The following TMEM131 variants were observed in gnomAD, a reference collection of about 807,000 sequenced individuals.
TMEM131 encodes the protein transmembrane protein 131, also known as 2610524E03Rik.
Under a neutral mutation model 211.6 loss-of-function variants are expected in TMEM131, and 66 were observed. The ratio of observed to expected loss-of-function variants is 0.31; its 90% CI spans 0.26 to 0.38. The LOEUF (loss-of-function observed/expected upper bound fraction) is 0.38. Ranked by LOEUF, TMEM131 falls within the 10% of genes least tolerant of loss-of-function variation. The probability of loss-of-function intolerance (pLI) is 1.00; values close to 1 mark genes in which losing one functional copy is unlikely to be tolerated. For missense variants in TMEM131, 2,036 were observed against 2,299.3 expected (o/e 0.89, Z 2.34); for synonymous variants, 844 against 841.3 (o/e 1.00, Z -0.06).
intron 1 of TMEM131, among the ~76,000 whole-genome samples, chr2:97,958,191 G>T (rs149980448): frequency 6.6e-6 from 1 of 152,202 alleles, no homozygotes; most frequent in Non-Finnish European, 1.5e-5. Flanking sequence ...AGGCTGGAGA[G>T]GGGGGCAGAA....
intron 4 of TMEM131, among the ~76,000 whole-genome samples, chr2:97,874,702 C>T (rs1674621833): frequency 6.6e-6 from 1 of 152,176 alleles, no homozygotes. Context: ...CCAGGCCTGC[C>T]TTACAAGAGC....
At chr2:97,878,982 T>C (rs183217367) in intron 4 of TMEM131, among the ~76,000 whole-genome samples, 24 of 152,318 alleles carry the variant, frequency 1.6e-4, no homozygotes, top group Admixed American at 1.3e-3. Flanking sequence ...AATAAACTTT[T>C]TCATTCTGCT....
intron 5 of TMEM131, among the ~76,000 whole-genome samples, chr2:97,848,578 T>C (rs1420742472): frequency 6.6e-6 from 1 of 152,230 alleles, no homozygotes; most frequent in African/African-American, 2.4e-5. Flanking sequence ...TATTATTTGT[T>C]TGAACATGTA....
At chr2:97,766,876 C>T (rs533916949) in intron 33 of TMEM131, among the ~76,000 whole-genome samples, 3 of 152,202 alleles carry the variant, frequency 2.0e-5, no homozygotes, top group African/African-American at 7.2e-5. Context: ...TAATACGTAA[C>T]GTGAGGGAGG....
chr2:97,874,384 A>C (rs1674607875), intron 4 of TMEM131, among the ~76,000 whole-genome samples: 1 of 152,210 alleles, frequency 6.6e-6, no homozygotes, highest in Non-Finnish European at 1.5e-5. Flanking sequence ...CAGCACAACA[A>C]CACTCCTCGA....
intron 11 of TMEM131, among the ~76,000 whole-genome samples, chr2:97,823,795 A>C (rs1682241179): frequency 6.6e-6 from 1 of 152,196 alleles, no homozygotes; most frequent in African/African-American, 2.4e-5. Context: ...GGGAGGTCTT[A>C]AGGAAATATA....
chr2:97,943,036 GAAAAGAAA>G (rs1559464414), intron 1 of TMEM131, among the ~76,000 whole-genome samples: 2 of 31,726 alleles, frequency 6.3e-5, no homozygotes, highest in South Asian at 1.2e-3. Flanking sequence ...GAAAAGAAAA[GAAAAGAAA>G]GAAAGAAAGA....
chr2:97,907,822 T>C (rs1380489313), intron 3 of TMEM131, among the ~76,000 whole-genome samples: 2 of 152,210 alleles, frequency 1.3e-5, no homozygotes, highest in Non-Finnish European at 2.9e-5. Context: ...CAATTGTTAC[T>C]AAAGGGCGCT....
At chr2:97,813,496 T>C (rs765635199) in intron 15 of TMEM131, among the ~76,000 whole-genome samples, 7 of 152,204 alleles carry the variant, frequency 4.6e-5, no homozygotes, top group East Asian at 1.9e-4. Flanking sequence ...CCTTCATTGT[T>C]TCCTTCTGTG....
chr2:97,993,440 T>A (rs1195432404), intron 1 of TMEM131, among the ~76,000 whole-genome samples: 1 of 152,178 alleles, frequency 6.6e-6, no homozygotes, highest in Non-Finnish European at 1.5e-5. Flanking sequence ...CCCTACTTAC[T>A]CAGAAACAAT....
intron 31 of TMEM131, among the ~76,000 whole-genome samples, chr2:97,788,790 T>A (rs891638016): frequency 3.3e-5 from 5 of 152,200 alleles, no homozygotes; most frequent in Non-Finnish European, 5.9e-5. Flanking sequence ...GTCTGAAACC[T>A]TGGCAAGTGT....
intron 4 of TMEM131, among the ~76,000 whole-genome samples, chr2:97,876,632 C>A (rs904102614): frequency 2.0e-5 from 3 of 152,084 alleles, no homozygotes; most frequent in Non-Finnish European, 4.4e-5. Flanking sequence ...GCAGAAAAGG[C>A]CTTCAACAAA....
At chr2:97,857,553 G>A (rs1365269179) in intron 5 of TMEM131, among the ~76,000 whole-genome samples, 1 of 152,186 alleles carries the variant, frequency 6.6e-6, no homozygotes, top group Non-Finnish European at 1.5e-5. Context: ...GTGCAATTGT[G>A]AACTATTTTT....
chr2:97,758,029 G>A (rs1237915136), intron 40 of TMEM131, among the ~76,000 whole-genome samples: 1 of 152,086 alleles, frequency 6.6e-6, no homozygotes, highest in Non-Finnish European at 1.5e-5. Context: ...CTACTCAGGA[G>A]GCTGAGGCAG....
chr2:97,924,326 T>A (rs986253733), intron 2 of TMEM131, among the ~76,000 whole-genome samples: 30 of 152,094 alleles, frequency 2.0e-4, no homozygotes, highest in Non-Finnish European at 1.2e-4. Flanking sequence ...AAGGTTGCAG[T>A]GAGCTGTCAT....
intron 11 of TMEM131, among the ~76,000 whole-genome samples, chr2:97,830,144 A>AC (rs1682597323): frequency 6.7e-6 from 1 of 150,252 alleles, no homozygotes; most frequent in Non-Finnish European, 1.5e-5. Context: ...AAAAAAAAAA[A>AC]AAAAAAAAAA....
chr2:97,770,585 G>A (rs977417431), intron 33 of TMEM131, among the ~76,000 whole-genome samples: 3 of 152,156 alleles, frequency 2.0e-5, no homozygotes, highest in South Asian at 2.1e-4. Context: ...CTCAAGCGAC[G>A]TCTTTGACTA....
chr2:97,898,603 C>A (rs150674880), intron 3 of TMEM131, among the ~76,000 whole-genome samples: 1 of 152,276 alleles, frequency 6.6e-6, no homozygotes, highest in Non-Finnish European at 1.5e-5. Context: ...GAAAACAGGT[C>A]TCAGTGTAAA....
intron 4 of TMEM131, among the ~76,000 whole-genome samples, chr2:97,879,522 G>A (rs886094022): frequency 2.0e-5 from 3 of 152,122 alleles, no homozygotes; most frequent in African/African-American, 4.8e-5. Flanking sequence ...TGTCAATAAT[G>A]GTACTGTAGT....
Sources: gnomAD v4.1 joint callset for allele counts (sites outside exome capture counted in the v4.1 genomes callset) on GRCh38, gnomAD v4.1.1 for gene constraint, MANE v1.5 for transcripts, NCBI Gene and HGNC (gene_info 2026-07-23, HGNC 2026-07-21) for gene names.